The following WDR87 variants were observed in gnomAD, a reference collection of about 807,000 sequenced individuals.
WDR87 encodes WD repeat-containing protein 87.
A neutral mutation model predicts 83.3 loss-of-function variants in WDR87; 56 were observed. The observed-to-expected ratio is 0.67, with a 90% confidence interval of 0.54 to 0.84. WDR87 has a LOEUF of 0.84. Ranked by LOEUF, WDR87 falls within the 40% of genes least tolerant of loss-of-function variation. WDR87 has a pLI of 0.00. For missense variants in WDR87, 2,939 were observed against 3,431.9 expected (o/e 0.86, Z 3.59); for synonymous variants, 1,173 against 1,250.6 (o/e 0.94, Z 1.31).
chr19:37,895,605 T>TA (rs1467699547), intron 3 of WDR87, 149 bp from the exon 4 acceptor site: 11 of 689,424 alleles, frequency 1.6e-5, no homozygotes, highest in Non-Finnish European at 2.6e-5. Context: ...CCATCTCTAC[T>TA]AAAAATACAA....
In WDR87 at chr19:37,890,227, T is replaced by C. The variant is rs1393273345; in HGVS notation, c.3444A>G (p.Lys1148=). ...AGAGGCCTGGCTCTGTGCTCATCTG[T>C]TTAGAGTCTCTCTCTTTCGTCTTCT... The part of the protein sequence containing the change: ...GLKKTKERDS[K]QMSTEPGLLE... The change falls in exon 6 of 6, where the codon AAA becomes AAG. Residue 1148 remains lysine, a synonymous_variant. Transcript: ENST00000447313. 37 of 1,547,828 alleles carry C rather than the reference T, an allele frequency of 2.4e-5. No individual in the cohort carries two copies. Among genetic ancestry groups the C allele is most frequent in the Non-Finnish European group, 3.1e-5 (36 of 1,145,066 alleles).
chr19:37,897,834 G>A (rs998945464), intron 2 of WDR87, among the ~76,000 whole-genome samples: 3 of 152,136 alleles, frequency 2.0e-5, no homozygotes, highest in African/African-American at 7.2e-5. Flanking sequence ...GTTGCAGTGG[G>A]CCGAGATCAT....
intron 2 of WDR87, among the ~76,000 whole-genome samples, chr19:37,897,865 G>A (rs1178590402): frequency 6.6e-6 from 1 of 152,120 alleles, no homozygotes; most frequent in African/African-American, 2.4e-5. Context: ...TCCAGCCTGG[G>A]CGACAGAACG....
At chr19:37,895,886 C>A in intron 3 of WDR87, 1 of 484,910 alleles carries the variant, frequency 2.1e-6, no homozygotes, top group Non-Finnish European at 3.6e-6. Context: ...GATTTTATCC[C>A]TTGGTGATGG....
Position 37,893,835 on chromosome 19 carries a change from G to C in WDR87, c.1868C>G (p.Thr623Arg). 6.4e-7 allele frequency: 1 copy of C among 1,551,796 alleles called. No individual in the cohort carries two copies. Among genetic ancestry groups the C allele is most frequent in the Non-Finnish European group, 8.7e-7 (1 of 1,147,014 alleles). ...CCGAACAGAGCCATCGGCAGAACCT[G>C]TGACAAAAAGACTCAAGGAGAGGCA... ...DVCLSLSLFVTGSADGSVRIW... is the reference protein window; with the variant it reads ...DVCLSLSLFVRGSADGSVRIW... Residue 623 changes from threonine (T) to arginine (R), a missense_variant, in exon 4 of 6, where the codon ACA becomes AGA. Around this residue, in one of 3 missense-constraint regions of WDR87, gnomAD observed 553 missense variants for 577.9 expected, o/e 0.96. Transcript: ENST00000447313.
Position 37,894,749 on chromosome 19 carries a change from A to G in WDR87, c.954T>C (p.Leu318=). ...KEWNLTSGSL[L]RRLELGEELY... ...GCTCCTCACCAAGCTCTAGCCGCCG[A>G]AGCAGGCTCCCTGAAGTCAGGTTCC... is the stretch of plus-strand genomic sequence containing the variant. Residue 318 remains leucine (L), a synonymous_variant, in exon 4 of 6, where the codon CTT becomes CTC. Transcript: ENST00000447313. 1 of 1,551,734 alleles carries G rather than the reference A, an allele frequency of 6.4e-7. No individual in the cohort carries two copies. Among genetic ancestry groups the G allele is most frequent in the Non-Finnish European group, 8.7e-7 (1 of 1,147,002 alleles).
In WDR87 at chr19:37,889,833, A is replaced by C. The variant is rs1236629657; in HGVS notation, c.3838T>G (p.Ser1280Ala). 6.4e-7 allele frequency: 1 copy of C among 1,551,696 alleles called. No individual in the cohort carries two copies. Among genetic ancestry groups the C allele is most frequent in the South Asian group, 1.2e-5 (1 of 84,060 alleles). ...AGACGACATAGATCGTCCCTCCATG[A>C]TGAGCCATCTCCAGCGGTTGACCTG... ...GRRSTAGDGS[S>A]WRDDLCRLMA... The change falls in exon 6 of 6, where the codon TCA becomes GCA. Residue 1280 changes from serine to alanine, a missense_variant. This residue lies in a region of WDR87 where 2,160 missense variants were observed against 2,533.1 expected (regional missense o/e 0.85). Coordinates refer to ENST00000447313, the MANE Select transcript of WDR87 (RefSeq NM_001291088.2).
In WDR87 at chr19:37,894,657, T is replaced by C; in HGVS notation, c.1046A>G (p.His349Arg). 6.4e-7 allele frequency: 1 copy of C among 1,551,598 alleles called. No individual in the cohort carries two copies. Residue 349 changes from histidine to arginine, a missense_variant, in exon 4 of 6, where the codon CAC becomes CGC. By Grantham distance (29) the His-to-Arg change is conservative (BLOSUM62 0). Around this residue, in one of 3 missense-constraint regions of WDR87, gnomAD observed 553 missense variants for 577.9 expected, o/e 0.96. Transcript: ENST00000447313. ...FCQTAHSFSL[H>R]RLPCFYSLFN... Reference sequence around the variant, plus strand: ...GAGGCTGTAGAAGCAGGGCAGGCGGTGCAAGGAAAAACTATGGGCAGTTTG... The same window carrying C: ...GAGGCTGTAGAAGCAGGGCAGGCGGCGCAAGGAAAAACTATGGGCAGTTTG...
chr19:37,898,591 A>G (rs2046273632), intron 1 of WDR87, among the ~76,000 whole-genome samples: 1 of 152,196 alleles, frequency 6.6e-6, no homozygotes, highest in Non-Finnish European at 1.5e-5. Context: ...GCTGGGAAAG[A>G]ATACCCTCAC....
At chr19:37,902,164 C>T (rs2046297568) in intron 1 of WDR87, among the ~76,000 whole-genome samples, 2 of 152,084 alleles carry the variant, frequency 1.3e-5, no homozygotes, top group African/African-American at 4.8e-5. Flanking sequence ...TTGTAGTGAG[C>T]TCCAGATGCT....
At position 37,898,421 on chromosome 19, in the gene WDR87, C is replaced by T. The variant is rs1360571085; in HGVS notation, c.-46-136G>A. The stretch of plus-strand genomic sequence containing the variant: ...GAACTGTGCACAAGACATACCTTCT[C>T]ATTTCATCCACTCTACAGCCCAGTA... On this transcript the variant is annotated intron_variant, in intron 1 of 5. Transcript: ENST00000447313. The T allele has an allele frequency of 4.4e-6, 5 of 1,138,052 alleles. No individual in the cohort carries two copies. The South Asian group carries it at 7.2e-5, about 16-fold the overall frequency. The allele number at this position is 1,138,052 out of a possible 1,614,324, so 70.5% of individuals were successfully genotyped here.
At chr19:37,891,883 C>A in intron 4 of WDR87, 63 bp from the exon 5 acceptor site, 2 of 1,506,722 alleles carry the variant, frequency 1.3e-6, no homozygotes, top group Non-Finnish European at 1.8e-6. Context: ...GAATGGGAAG[C>A]AAAAAACGGT....
In WDR87 at chr19:37,886,789, C is replaced by CTAT. The variant is rs1479571696; in HGVS notation, c.6881_6882insATA (p.Glu2294_Glu2295insTer). The CTAT allele has an allele frequency of 6.5e-6, 10 of 1,543,304 alleles. No homozygotes were observed. Among genetic ancestry groups the CTAT allele is most frequent in the Non-Finnish European group, 8.7e-6 (10 of 1,143,874 alleles). Reference sequence around the variant, plus strand: ...CCCTTTCCTCCTCCTCCTCCCTTTCCTCTTCTTCCTCCCTTTCCTCCTCCT... The same window carrying CTAT: ...CCCTTTCCTCCTCCTCCTCCCTTTCCTATTCTTCTTCCTCCCTTTCCTCCTCCT... On this transcript the variant is annotated stop_gained and inframe_insertion, in exon 6 of 6. Transcript: ENST00000447313. LOFTEE classifies it low-confidence loss of function (END_TRUNC).
chr19:37,896,494 A>AT (rs1359186329), intron 2 of WDR87, among the ~76,000 whole-genome samples, 186 bp from the exon 3 acceptor site: 1 of 152,198 alleles, frequency 6.6e-6, no homozygotes, highest in Non-Finnish European at 1.5e-5. Flanking sequence ...CATGTAACAA[A>AT]TCCCCCAATG....
rs1054667018 is a variant in WDR87 at position 37,896,129 on chromosome 19, C to T, written c.246+9G>A. 1 of 1,552,044 alleles carries T rather than the reference C, an allele frequency of 6.4e-7. No homozygotes were observed. Among genetic ancestry groups the T allele is most frequent in the Non-Finnish European group, 8.7e-7 (1 of 1,147,072 alleles). ...AATGGGCCAAGAAGGGTAAGAAAGGCAGTCTTACTTGTATTTCTTTTGTGT... is the reference window on the plus strand; with the variant it reads ...AATGGGCCAAGAAGGGTAAGAAAGGTAGTCTTACTTGTATTTCTTTTGTGT... On this transcript the variant is annotated intron_variant, in intron 3 of 5. Coordinates refer to ENST00000447313, the MANE Select transcript of WDR87 (RefSeq NM_001291088.2).
Position 37,894,030 on chromosome 19 carries a change from C to T in WDR87, c.1673G>A (p.Cys558Tyr), listed in dbSNP as rs201142112. 3 of 1,551,798 alleles carry T rather than the reference C, an allele frequency of 1.9e-6. No homozygotes were observed. Among genetic ancestry groups the T allele is most frequent in the Non-Finnish European group, 2.6e-6 (3 of 1,147,048 alleles). Residue 558 changes from cysteine (C) to tyrosine (Y), a missense_variant, in exon 4 of 6, where the codon TGT becomes TAT. Physicochemically the swap from Cys to Tyr is radical, Grantham distance 194. This residue lies in a region of WDR87 where 553 missense variants were observed against 577.9 expected (regional missense o/e 0.96). Transcript: ENST00000447313. ...CAAGAGTATCAGATGTGTTAGGTGA[C>T]AGCTGCTGAGAATGCTGGCGAGAGG... ...LRPLASILSS[C>Y]HLTHLILLPK... is the part of the protein sequence containing the mutation.
At chr19:37,905,547 AAC>A (rs1417166488) in intron 1 of WDR87, among the ~76,000 whole-genome samples, 1 of 150,770 alleles carries the variant, frequency 6.6e-6, no homozygotes, top group Non-Finnish European at 1.5e-5. Context: ...TACACATAAA[AAC>A]ACACACATAT....
In WDR87 at chr19:37,886,650, TCTC is replaced by T; in HGVS notation, c.7018_7020del (p.Glu2340del). ...TCTTTCTCCTCAAACACTTCTTCCT[TCTC>T]CTGAACCTCCTCCTTCTTCTTTTCC... is the stretch of plus-strand genomic sequence containing the variant. On this transcript the variant is annotated inframe_deletion, in exon 6 of 6. Transcript: ENST00000447313. 6.6e-7 allele frequency: 1 copy of T among 1,514,702 alleles called. No individual in the cohort carries two copies. Among genetic ancestry groups the T allele is most frequent in the Non-Finnish European group, 8.9e-7 (1 of 1,119,346 alleles). The allele number at this position is 1,514,702 out of a possible 1,614,324, so 93.8% of individuals were successfully genotyped here. A position where few individuals can be genotyped will look rare whatever the true frequency, so the allele number is the denominator to read the frequency against.
Position 37,889,844 on chromosome 19 carries a change from C to T in WDR87, c.3827G>A (p.Gly1276Glu). 6.4e-7 allele frequency: 1 copy of T among 1,551,772 alleles called. No individual in the cohort carries two copies. The highest frequency in any genetic ancestry group is 8.7e-7 in the Non-Finnish European group (1 of 1,147,024). Reference sequence around the variant, plus strand: ...ATCGTCCCTCCATGATGAGCCATCTCCAGCGGTTGACCTGCGGCCAGATAT... The same window carrying T: ...ATCGTCCCTCCATGATGAGCCATCTTCAGCGGTTGACCTGCGGCCAGATAT... ...SGISGRRSTA[G>E]DGSSWRDDLC... Residue 1276 changes from glycine (G) to glutamate (E), a missense_variant, in exon 6 of 6, where the codon GGA (glycine) becomes GAA (glutamate). Physicochemically the swap from Gly to Glu is moderately conservative, Grantham distance 98. Transcript: ENST00000447313.
Sources: gnomAD v4.1 joint callset for allele counts (sites outside exome capture counted in the v4.1 genomes callset) on GRCh38, gnomAD v4.1.1 for gene constraint, gnomAD v4.1.1 regional missense constraint, MANE v1.5 for transcripts, NCBI Gene and HGNC (gene_info 2026-07-23, HGNC 2026-07-21) for gene names.